BPTF: variants seen among roughly 807,000 people sequenced by gnomAD.
The protein encoded by BPTF is nucleosome-remodeling factor subunit BPTF.
BPTF carries 18 observed loss-of-function variants against 292.5 expected under a neutral mutation model. That is an observed-to-expected ratio of 0.06 (90% confidence interval 0.04 to 0.09). The LOEUF (loss-of-function observed/expected upper bound fraction) is 0.09. BPTF is among the 10% of genes least tolerant of loss of function. BPTF has a pLI of 1.00. For synonymous variants in BPTF, 1,225 were observed against 1,251.9 expected, an observed-to-expected ratio of 0.98 and a Z score of 0.45; for missense variants, 2,726 against 3,498.7, an observed-to-expected ratio of 0.78 and a Z score of 5.57.
intron 26 of BPTF, among the ~76,000 whole-genome samples, chr17:67,972,635 A>G (rs1210351551): frequency 6.6e-6 from 1 of 152,134 alleles, no homozygotes; most frequent in Non-Finnish European, 1.5e-5. Flanking sequence ...AGTCATATCT[A>G]TTAATCATTA....
intron 7 of BPTF, among the ~76,000 whole-genome samples, chr17:67,898,538 G>A (rs1163624902): frequency 6.6e-6 from 1 of 151,760 alleles, no homozygotes; most frequent in African/African-American, 2.4e-5. Flanking sequence ...TTGAATCTCT[G>A]ACCTCAAGTT....
At chr17:67,870,770 T>TC (rs958698501) in intron 3 of BPTF, among the ~76,000 whole-genome samples, 3 of 129,468 alleles carry the variant, frequency 2.3e-5, no homozygotes, top group South Asian at 2.6e-4. Flanking sequence ...TCATTTCTTT[T>TC]TTTTTTTTTT....
At chr17:67,958,677 G>C (rs1001599432) in intron 23 of BPTF, among the ~76,000 whole-genome samples, 1 of 150,548 alleles carries the variant, frequency 6.6e-6, no homozygotes, top group Non-Finnish European at 1.5e-5. Flanking sequence ...GTTGGAGTGC[G>C]CTGAGATTGT....
chr17:67,946,052 C>G lies in BPTF; in HGVS notation c.7344C>G (p.Ile2448Met), dbSNP rs766944913. The G allele has an allele frequency of 6.2e-7, 1 of 1,614,194 alleles. No individual in the cohort carries two copies. The highest frequency in any genetic ancestry group is 8.5e-7 in the Non-Finnish European group (1 of 1,180,028). ...LQQQVQVLSQ[I>M]QSQVVAQIQA... The stretch of plus-strand genomic sequence containing the variant: ...AACAAGTCCAGGTTCTCTCTCAGAT[C>G]CAGTCACAGGTTGTGGCTCAGATAC... The change falls in exon 21 of 28, where the codon ATC becomes ATG. Residue 2448 changes from isoleucine to methionine, a missense_variant. Physicochemically the swap from Ile to Met is conservative, Grantham distance 10 (BLOSUM62 1). Around this residue, in one of 22 missense-constraint regions of BPTF, gnomAD observed 570 missense variants for 633.5 expected, o/e 0.90. Coordinates refer to ENST00000306378, the MANE Select transcript of BPTF (RefSeq NM_182641.4).
intron 4 of BPTF, among the ~76,000 whole-genome samples, chr17:67,884,217 A>C (rs1236747397): frequency 6.8e-6 from 1 of 147,752 alleles, no homozygotes; most frequent in African/African-American, 2.5e-5. Flanking sequence ...AGCTCACTGC[A>C]ACCTCAGCCT....
intron 1 of BPTF, among the ~76,000 whole-genome samples, chr17:67,853,519 A>G (rs192370484): frequency 5.4e-4 from 82 of 152,192 alleles, no homozygotes; most frequent in Middle Eastern, 3.4e-3. Flanking sequence ...TATTGCCCCT[A>G]CTTTGTGCTG....
Position 67,854,001 on chromosome 17 carries a change from G to C in BPTF, c.675G>C (p.Pro225=), listed in dbSNP as rs927797195. ...RSPILEEKDI[P]PLEFPKSSED... is the part of the protein sequence containing the mutation. ...CTATATTGGAAGAAAAAGACATCCC[G>C]CCCCTTGAATTTCCCAAGTCCTCTG... The change falls in exon 2 of 28, where the codon CCG becomes CCC. Residue 225 remains proline (P), a synonymous_variant. Transcript: ENST00000306378. This position sits in a 1 kb window ranked among gnomAD's most constrained non-coding sequence, Gnocchi z 5.6. The C allele has an allele frequency of 1.9e-6, 3 of 1,614,062 alleles. No homozygotes were observed. Among genetic ancestry groups the C allele is most frequent in the Non-Finnish European group, 2.5e-6 (3 of 1,179,992 alleles).
intron 2 of BPTF, among the ~76,000 whole-genome samples, chr17:67,864,707 G>A (rs1011289356): frequency 3.9e-5 from 6 of 152,124 alleles, no homozygotes; most frequent in African/African-American, 1.4e-4. Flanking sequence ...ATACGGTATA[G>A]GTTGAGTATC....
chr17:67,850,749 A>G (rs374445207), intron 1 of BPTF, among the ~76,000 whole-genome samples: 19 of 152,272 alleles, frequency 1.2e-4, no homozygotes, highest in African/African-American at 4.1e-4. Flanking sequence ...ATTCTATCCA[A>G]TGAATAAGCC....
chr17:67,838,650 A>G (rs1027493167), intron 1 of BPTF, among the ~76,000 whole-genome samples: 9 of 151,958 alleles, frequency 5.9e-5, no homozygotes, highest in Admixed American at 1.3e-4. Context: ...CTAGTTTTTT[A>G]TATTTTTTTA....
At chr17:67,921,590 T>C (rs1250951282) in intron 13 of BPTF, among the ~76,000 whole-genome samples, 1 of 152,138 alleles carries the variant, frequency 6.6e-6, no homozygotes, top group Non-Finnish European at 1.5e-5. Flanking sequence ...ACGTAGTGTT[T>C]TTATAAAAGT....
At chr17:67,901,936 G>T (rs1468726017) in intron 7 of BPTF, among the ~76,000 whole-genome samples, 1 of 152,206 alleles carries the variant, frequency 6.6e-6, no homozygotes, top group Non-Finnish European at 1.5e-5. Context: ...GTTTGTTACA[G>T]CTATGGCTGT....
At chr17:67,907,917 AGATTGCCTTT>A (rs1217333979) in intron 9 of BPTF, among the ~76,000 whole-genome samples, 2 of 152,202 alleles carry the variant, frequency 1.3e-5, no homozygotes, top group Non-Finnish European at 2.9e-5. Context: ...ACAAGGCCAC[AGATTGCCTTT>A]GATCCTTTTT....
At chr17:67,832,781 CTCTT>C (rs1489280864) in intron 1 of BPTF, among the ~76,000 whole-genome samples, 1 of 133,448 alleles carries the variant, frequency 7.5e-6, no homozygotes, top group Non-Finnish European at 1.5e-5. Flanking sequence ...GTTGATTCGC[CTCTT>C]TTTTTTTTTT....
At chr17:67,848,579 G>T (rs1046964260) in intron 1 of BPTF, among the ~76,000 whole-genome samples, 1 of 151,998 alleles carries the variant, frequency 6.6e-6, no homozygotes, top group African/African-American at 2.4e-5. Flanking sequence ...AAATATGTAG[G>T]CAAACTTTTT....
intron 1 of BPTF, among the ~76,000 whole-genome samples, chr17:67,846,969 G>A (rs959737664): frequency 1.3e-5 from 2 of 152,098 alleles, no homozygotes; most frequent in Admixed American, 1.3e-4. Context: ...CCAAAGTGCT[G>A]GAATTACAGG....
chr17:67,918,612 G>A, intron 11 of BPTF, 102 bp from the exon 12 acceptor site: 2 of 1,126,732 alleles, frequency 1.8e-6, no homozygotes, highest in Non-Finnish European at 2.5e-6. Context: ...GTCCTAATGA[G>A]GACAAGAAAC....
intron 1 of BPTF, among the ~76,000 whole-genome samples, chr17:67,852,580 A>G (rs1487380180): frequency 6.6e-6 from 1 of 152,182 alleles, no homozygotes; most frequent in Non-Finnish European, 1.5e-5. Context: ...TAGGAATTTT[A>G]CCACTACTGA....
chr17:67,940,814 A>G (rs2065302276), intron 19 of BPTF, among the ~76,000 whole-genome samples, 158 bp downstream of exon 19: 1 of 152,194 alleles, frequency 6.6e-6, no homozygotes, highest in African/African-American at 2.4e-5. Flanking sequence ...TAGACAGGAT[A>G]TAATAAACCC....
Sources: allele counts gnomAD v4.1 joint callset (sites outside exome capture counted in the v4.1 genomes callset), GRCh38; gene constraint gnomAD v4.1.1; regional missense constraint gnomAD v4.1.1; non-coding constraint Gnocchi (gnomAD v3.1); transcripts MANE v1.5; gene names NCBI Gene and HGNC (gene_info 2026-07-23, HGNC 2026-07-21).